Variants in UPF1 observed in about 807,000 individuals in gnomAD.
The protein encoded by UPF1 is UPF1 RNA helicase and ATPase.
A neutral mutation model predicts 129.2 loss-of-function variants in UPF1; 9 were observed. That is an observed-to-expected ratio of 0.07 (90% CI 0.04 to 0.12). The LOEUF (loss-of-function observed/expected upper bound fraction) is 0.12, where lower values mean the gene tolerates loss of function less well. Ranked by LOEUF, UPF1 falls within the 10% of genes least tolerant of loss-of-function variation. The pLI, the probability that UPF1 is intolerant of heterozygous loss-of-function variation, is 1.00. For synonymous variants in UPF1, 649 were observed against 644.9 expected (o/e 1.01, Z -0.10); for missense variants, 788 against 1,525.3 (o/e 0.52, Z 8.05).
Position 18,865,395 on chromosome 19 carries a change from C to T in UPF1, c.2964C>T (p.Val988=), listed in dbSNP as rs371146514. The change falls in exon 21 of 24, where the codon GTC becomes GTT. Residue 988 remains valine, a synonymous_variant. Transcript: ENST00000262803. The surrounding 1 kb of genome is among the most constrained non-coding windows in gnomAD (Gnocchi z 6.1). ...ACATTCCCATCCCCTTCAACCTGGT[C>T]ATGCCACCCATGCCACCGCCTGGCT... ...AMNIPIPFNL[V]MPPMPPPGYF... The T allele has an allele frequency of 6.2e-6, 10 of 1,614,062 alleles. No homozygotes were observed. Among genetic ancestry groups the T allele is most frequent in the South Asian group, 4.4e-5 (4 of 91,082 alleles).
At chr19:18,844,541 C>T (rs184810481) in intron 1 of UPF1, among the ~76,000 whole-genome samples, 1 of 151,826 alleles carries the variant, frequency 6.6e-6, no homozygotes, top group African/African-American at 2.4e-5. Context: ...CCATGTTGGC[C>T]AGGCTGGTCT....
At chr19:18,840,878 C>T (rs905369998) in intron 1 of UPF1, among the ~76,000 whole-genome samples, 2 of 152,196 alleles carry the variant, frequency 1.3e-5, no homozygotes, top group Non-Finnish European at 2.9e-5. Context: ...TTCTCAGGTC[C>T]CGTGGGCCTT....
chr19:18,857,078 T>G (rs1370635108), intron 14 of UPF1, 58 bp downstream of exon 14: 2 of 1,574,266 alleles, frequency 1.3e-6, no homozygotes, highest in East Asian at 4.5e-5. Flanking sequence ...TCTTGGTGTT[T>G]GTCTTTTAAA....
At chr19:18,854,773 C>T in intron 9 of UPF1, 64 bp downstream of exon 9, 1 of 1,605,388 alleles carries the variant, frequency 6.2e-7, no homozygotes, top group African/African-American at 1.3e-5. Context: ...TTTATGAGCC[C>T]TCCCCGTCAC....
chr19:18,836,637 T>C (rs1298154547), intron 1 of UPF1, among the ~76,000 whole-genome samples: 1 of 152,052 alleles, frequency 6.6e-6, no homozygotes, highest in Non-Finnish European at 1.5e-5. Context: ...TTTAAGTACA[T>C]TGATGTATGT....
Position 18,854,802 on chromosome 19 carries a change from A to G in UPF1, c.1266-77A>G, listed in dbSNP as rs551837600. On this transcript the variant is annotated intron_variant, in intron 9 of 23. Coordinates refer to ENST00000262803, the MANE Select transcript of UPF1 (RefSeq NM_002911.4). ...CCGTCACTGTGGAGTGGGGTTCCCC[A>G]CCCAGCTCTGCAAACTCAGGATGTC... is the stretch of plus-strand genomic sequence containing the variant. The G allele has an allele frequency of 1.8e-4, 283 of 1,606,790 alleles. No homozygotes were observed. The African/African-American group carries it at 3.3e-3, about 19-fold the overall frequency.
intron 2 of UPF1, 97 bp from the exon 3 acceptor site, chr19:18,847,647 C>G: frequency 8.4e-7 from 1 of 1,194,832 alleles, no homozygotes; most frequent in East Asian, 2.4e-5. Flanking sequence ...TAATGAAGAA[C>G]TTAAAAATGT....
chr19:18,857,696 T>C (rs1316737081), intron 15 of UPF1, among the ~76,000 whole-genome samples, 163 bp downstream of exon 15: 2 of 152,236 alleles, frequency 1.3e-5, no homozygotes, highest in Non-Finnish European at 1.5e-5. Context: ...TGGTATGGTC[T>C]TGGATCAAGT....
At position 18,852,191 on chromosome 19, in the gene UPF1, G is replaced by T. The variant is rs376877267; in HGVS notation, c.867G>T (p.Pro289=). 3 of 1,613,246 alleles carry T rather than the reference G, an allele frequency of 1.9e-6. No individual in the cohort carries two copies. Among genetic ancestry groups the T allele is most frequent in the Non-Finnish European group, 2.5e-6 (3 of 1,179,594 alleles). ...DLEKPGVDEE[P]QHVLLRYEDA... The stretch of plus-strand genomic sequence containing the variant: ...AGAAGCCGGGGGTGGACGAGGAGCC[G>T]CAGCATGTCCTCCTGCGGTACGAGG... Residue 289 remains proline (P), a synonymous_variant, in exon 6 of 24, where the codon CCG becomes CCT. Coordinates refer to ENST00000262803, the MANE Select transcript of UPF1 (RefSeq NM_002911.4).
Position 18,850,286 on chromosome 19 carries a change from C to T in UPF1, c.629+44C>T. On this transcript the variant is annotated intron_variant, in intron 4 of 23. Transcript: ENST00000262803. The surrounding 1 kb of genome is among the most constrained non-coding windows in gnomAD (Gnocchi z 7.1). ...TCTCCTGGGGGTGACCTTTAAGCTCCAGCCGTCTCCTCACAAGCCTTGGCC... is the reference window on the plus strand; with the variant it reads ...TCTCCTGGGGGTGACCTTTAAGCTCTAGCCGTCTCCTCACAAGCCTTGGCC... The T allele has an allele frequency of 1.3e-6, 2 of 1,528,956 alleles. No individual in the cohort carries two copies. Among genetic ancestry groups the T allele is most frequent in the Non-Finnish European group, 8.8e-7 (1 of 1,140,076 alleles). 94.7% of individuals were successfully genotyped at this position (1,528,956 alleles called of 1,614,324 possible).
chr19:18,832,365 CGGCCCGGGCGGTGGCGGCGCGGGA>C lies in UPF1; in HGVS notation c.168_191del (p.Gly57_Gly64del), dbSNP rs768202667. On this transcript the variant is annotated inframe_deletion, in exon 1 of 24. Transcript: ENST00000262803. This position sits in a 1 kb window ranked among gnomAD's most constrained non-coding sequence, Gnocchi z 5.6. ...CGCAGACGCCCCCCGGCGGCCCCGG[CGGCCCGGGCGGTGGCGGCGCGGGA>C]GGCCCGGGCGGCGCGGGCGCGGGCG... 7.0e-5 allele frequency: 92 copies of C among 1,306,186 alleles called. 2 individuals are homozygous for C. Among genetic ancestry groups the C allele is most frequent in the South Asian group, 1.3e-4 (7 of 55,046 alleles). 80.9% of individuals were successfully genotyped at this position (1,306,186 alleles called of 1,614,324 possible).
In UPF1 at chr19:18,854,667, A is replaced by G. The variant is rs200619044; in HGVS notation, c.1223A>G (p.Asn408Ser). Residue 408 changes from asparagine (N) to serine (S), a missense_variant, in exon 9 of 24, where the codon AAC becomes AGC. Asn to Ser is a conservative substitution (Grantham distance 46). Coordinates refer to ENST00000262803, the MANE Select transcript of UPF1 (RefSeq NM_002911.4). ...SVGAPVEVTH[N>S]FQVDFVWKST... ...GGTGCACCTGTGGAGGTGACTCACA[A>G]CTTCCAGGTGGATTTTGTGTGGAAG... The G allele has an allele frequency of 1.2e-6, 2 of 1,614,126 alleles. No homozygotes were observed. The highest frequency in any genetic ancestry group is 1.7e-5 in the Admixed American group (1 of 60,028).
chr19:18,847,071 C>G (rs1445762167), intron 2 of UPF1, among the ~76,000 whole-genome samples: 3 of 152,152 alleles, frequency 2.0e-5, no homozygotes, highest in Non-Finnish European at 4.4e-5. Context: ...GCCCAGCGCT[C>G]CGGGACTGAG....
rs769737272 is a variant in UPF1, at chr19:18,852,257, G to A, written c.933G>A (p.Lys311=). ...AGAACATATTCGGGCCCCTGGTCAA[G>A]CTGGAGGCCGACTACGACAAGAAGC... ...QYQNIFGPLV[K]LEADYDKKLK... is the part of the protein sequence containing the mutation. Residue 311 remains lysine (K), a synonymous_variant, in exon 6 of 24, where the codon AAG becomes AAA. Transcript: ENST00000262803. 2.5e-6 allele frequency: 4 copies of A among 1,613,802 alleles called. No individual in the cohort carries two copies. In the Admixed American group the frequency reaches 5.0e-5, roughly 20 times the overall value.
chr19:18,851,719 C>T lies in UPF1; in HGVS notation c.811-416C>T, dbSNP rs953631716. Among the ~76,000 whole-genome samples, 4 of 152,210 alleles carry T rather than the reference C, an allele frequency of 2.6e-5. No homozygotes were observed. Among genetic ancestry groups the T allele is most frequent in the Admixed American group, 1.3e-4 (2 of 15,288 alleles). On this transcript the variant is annotated intron_variant, in intron 5 of 23. Transcript: ENST00000262803. The surrounding 1 kb of genome is among the most constrained non-coding windows in gnomAD (Gnocchi z 4.2). The stretch of plus-strand genomic sequence containing the variant: ...GGGCTGTGGACACAGCGAGAGAAAC[C>T]GGTGGTCTTTGTGGCAGCCTGCGAG...
Position 18,865,095 on chromosome 19 carries a change from A to G in UPF1, c.2858-194A>G, listed in dbSNP as rs572395878. On this transcript the variant is annotated intron_variant, in intron 20 of 23. Transcript: ENST00000262803. The surrounding 1 kb of genome is among the most constrained non-coding windows in gnomAD (Gnocchi z 6.1). ...GATTCCCAGCAGACTCTCCTCGGGGAAGGTGCCTGCCCAAGCACCCAGCCC... is the reference window on the plus strand; with the variant it reads ...GATTCCCAGCAGACTCTCCTCGGGGGAGGTGCCTGCCCAAGCACCCAGCCC... Among the ~76,000 whole-genome samples the G allele has an allele frequency of 5.3e-5, 8 of 152,268 alleles. No homozygotes were observed. In the South Asian group the frequency reaches 1.7e-3, roughly 32 times the overall value.
chr19:18,832,157 G>C lies in UPF1; in HGVS notation c.-53G>C. On this transcript the variant is annotated 5_prime_UTR_variant, in exon 1 of 24. Coordinates refer to ENST00000262803, the MANE Select transcript of UPF1 (RefSeq NM_002911.4). The surrounding 1 kb of genome is among the most constrained non-coding windows in gnomAD (Gnocchi z 5.6). ...CCTGCGGCCTAGGCCTCAGCGCGGC[G>C]GCGGGCTCGAGTGCAGCGCGGAACC... The C allele has an allele frequency of 6.8e-7, 1 of 1,470,924 alleles. No homozygotes were observed. The highest frequency in any genetic ancestry group is 9.1e-7 in the Non-Finnish European group (1 of 1,102,972). The allele number at this position is 1,470,924 out of a possible 1,614,324, so 91.1% of individuals were successfully genotyped here.
At chr19:18,857,255 C>G (rs2055728771) in intron 14 of UPF1, 65 bp from the exon 15 acceptor site, 1 of 1,542,924 alleles carries the variant, frequency 6.5e-7, no homozygotes, top group Non-Finnish European at 8.8e-7. Context: ...TACTTCCTTG[C>G]TAGTGTGTGT....
chr19:18,862,158 G>T lies in UPF1; in HGVS notation c.2600+6G>T, dbSNP rs763978534. 4 of 1,612,852 alleles carry T rather than the reference G, an allele frequency of 2.5e-6. No homozygotes were observed. The South Asian group carries it at 4.4e-5, about 18-fold the overall frequency. ...GTGGCCCTGACCAGAGCAAGGTAGG[G>T]AGGCTGCCTGCTGCATGCTGCCCAG... On this transcript the variant is annotated splice_donor_region_variant and intron_variant, in intron 18 of 23. Coordinates refer to ENST00000262803, the MANE Select transcript of UPF1 (RefSeq NM_002911.4).
Sources: allele counts gnomAD v4.1 joint callset (sites outside exome capture counted in the v4.1 genomes callset), GRCh38; gene constraint gnomAD v4.1.1; non-coding constraint Gnocchi (gnomAD v3.1); transcripts MANE v1.5; gene names NCBI Gene and HGNC (gene_info 2026-07-23, HGNC 2026-07-21).